The following NAA60 variants were observed in gnomAD, a reference collection of about 807,000 sequenced individuals.
NAA60 encodes N-alpha-acetyltransferase 60, NatF catalytic subunit.
NAA60 carries 8 observed loss-of-function variants against 26.1 expected under a neutral mutation model. The observed-to-expected ratio is 0.31, with a 90% confidence interval of 0.18 to 0.55. The LOEUF (loss-of-function observed/expected upper bound fraction) is 0.55, where lower values mean the gene tolerates loss of function less well. Ranked by LOEUF, NAA60 falls within the 20% of genes least tolerant of loss-of-function variation. The pLI, the probability that NAA60 is intolerant of heterozygous loss-of-function variation, is 0.93. For synonymous variants in NAA60, 131 were observed against 122.5 expected, an observed-to-expected ratio of 1.07 and a Z score of -0.46; for missense variants, 290 against 311.3, an observed-to-expected ratio of 0.93 and a Z score of 0.51.
chr16:3,484,281 A>T lies in NAA60; in HGVS notation c.573-418A>T, dbSNP rs1355859753. Reference sequence around the variant, plus strand: ...CCACACTCCACAGGCCGTCTAGCTTATGTGAAGACAGGCATCCAGGGGGTC... The same window carrying T: ...CCACACTCCACAGGCCGTCTAGCTTTTGTGAAGACAGGCATCCAGGGGGTC... On this transcript the variant is annotated intron_variant, in intron 6 of 7. Coordinates refer to ENST00000407558, the MANE Select transcript of NAA60 (RefSeq NM_001083601.3). Among the ~76,000 whole-genome samples the T allele has an allele frequency of 2.6e-5, 4 of 152,340 alleles. No homozygotes were observed. The East Asian group carries it at 7.7e-4, about 29-fold the overall frequency.
Position 3,485,034 on chromosome 16 carries a change from A to C in NAA60, c.*179A>C. The C allele has an allele frequency of 6.6e-7, 1 of 1,515,362 alleles. No individual in the cohort carries two copies. The highest frequency in any genetic ancestry group is 1.4e-5 in the African/African-American group (1 of 72,586). The allele number at this position is 1,515,362 out of a possible 1,614,324, so 93.9% of individuals were successfully genotyped here. ...GGCTCGGGAACAGAACATCGTGGGC[A>C]TGCGCAGAGCATGCCCATCCGTGGC... On this transcript the variant is annotated 3_prime_UTR_variant, in exon 7 of 8. Coordinates refer to ENST00000407558, the MANE Select transcript of NAA60 (RefSeq NM_001083601.3).
rs749224239 is a variant in NAA60, at chr16:3,483,378, A to G, written c.353A>G (p.Glu118Gly). Residue 118 changes from glutamate (E) to glycine (G), a missense_variant, in exon 6 of 8, where the codon GAA becomes GGA. Glu to Gly is a moderately conservative substitution (Grantham distance 98, BLOSUM62 -2). Coordinates refer to ENST00000407558, the MANE Select transcript of NAA60 (RefSeq NM_001083601.3). The stretch of plus-strand genomic sequence containing the variant: ...TCTCCCCAAGGTTCCCTCTTACTTG[A>G]AAGTTTAAAGGATCACATATCAACC... ...RKHGIGSLLLESLKDHISTTA... is the reference protein window; with the variant it reads ...RKHGIGSLLLGSLKDHISTTA... 2 of 1,611,314 alleles carry G rather than the reference A, an allele frequency of 1.2e-6. No individual in the cohort carries two copies. Among genetic ancestry groups the G allele is most frequent in the Admixed American group, 1.7e-5 (1 of 59,406 alleles).
chr16:3,465,559 G>A (rs1256097593), intron 2 of NAA60, among the ~76,000 whole-genome samples: 1 of 152,180 alleles, frequency 6.6e-6, no homozygotes, highest in African/African-American at 2.4e-5. Flanking sequence ...CTGCAGACGG[G>A]GGTTAGTACA....
intron 1 of NAA60, among the ~76,000 whole-genome samples, chr16:3,444,081 G>A (rs2034451049): frequency 6.6e-6 from 1 of 152,202 alleles, no homozygotes; most frequent in Non-Finnish European, 1.5e-5. Flanking sequence ...TGTACCCGCA[G>A]CTGCAGCCTA....
chr16:3,475,710 C>G (rs911455477), intron 2 of NAA60, among the ~76,000 whole-genome samples: 5 of 152,206 alleles, frequency 3.3e-5, no homozygotes, highest in Non-Finnish European at 5.9e-5. Context: ...CCACTCAGCA[C>G]AAACCCACGC....
chr16:3,471,162 C>G lies in NAA60; in HGVS notation c.-6-5060C>G, dbSNP rs146729553. 1.4e-3 allele frequency among the ~76,000 whole-genome samples: 215 copies of G among 152,270 alleles called. 1 individual carries two copies. Among genetic ancestry groups the G allele is most frequent in the African/African-American group, 5.0e-3 (207 of 41,542 alleles). On this transcript the variant is annotated intron_variant, in intron 2 of 7. Transcript: ENST00000407558. ...AGATGCGAGCTTATTACGAATCTGTCTTTGGTACCAAGCCACAATATAGAG... is the reference window on the plus strand; with the variant it reads ...AGATGCGAGCTTATTACGAATCTGTGTTTGGTACCAAGCCACAATATAGAG...
chr16:3,473,366 T>C (rs1314571481), intron 2 of NAA60, among the ~76,000 whole-genome samples: 1 of 152,108 alleles, frequency 6.6e-6, no homozygotes, highest in Non-Finnish European at 1.5e-5. Context: ...AGTCACGTCT[T>C]ACATGGTGGC....
At chr16:3,450,647 C>T (rs2034740638) in intron 2 of NAA60, among the ~76,000 whole-genome samples, 1 of 145,454 alleles carries the variant, frequency 6.9e-6, no homozygotes, top group African/African-American at 2.6e-5. Flanking sequence ...TTGCAGTGAG[C>T]CGAGATCGTG....
chr16:3,445,722 G>A (rs967316283), intron 1 of NAA60, among the ~76,000 whole-genome samples: 1 of 152,016 alleles, frequency 6.6e-6, no homozygotes, highest in African/African-American at 2.4e-5. Flanking sequence ...AATAAACACA[G>A]TTTCCAATGC....
At chr16:3,446,013 A>C (rs111994495) in intron 1 of NAA60, among the ~76,000 whole-genome samples, 3 of 152,322 alleles carry the variant, frequency 2.0e-5, no homozygotes, top group South Asian at 2.1e-4. Context: ...TATACCCACT[A>C]TATGTTCAAG....
intron 2 of NAA60, among the ~76,000 whole-genome samples, chr16:3,459,055 C>T (rs1255455338): frequency 6.6e-6 from 1 of 152,120 alleles, no homozygotes. Flanking sequence ...GTCCTTGAGG[C>T]GTACACTTTT....
intron 4 of NAA60, among the ~76,000 whole-genome samples, chr16:3,480,370 G>A (rs1185436210): frequency 6.6e-6 from 1 of 152,180 alleles, no homozygotes; most frequent in African/African-American, 2.4e-5. Context: ...GCCGAGGCGG[G>A]CAGATCATCT....
In NAA60 at chr16:3,448,502, G is replaced by C. The variant is rs2034644841; in HGVS notation, c.-45G>C. 6.5e-7 allele frequency: 1 copy of C among 1,535,544 alleles called. No homozygotes were observed. The highest frequency in any genetic ancestry group is 8.7e-7 in the Non-Finnish European group (1 of 1,146,892). On this transcript the variant is annotated 5_prime_UTR_variant, in exon 2 of 8. Coordinates refer to ENST00000407558, the MANE Select transcript of NAA60 (RefSeq NM_001083601.3). ...GAAAGGCTGTACCTGGAGGAAGGAA[G>C]TGCGGAGCCAGCCTGAGTTGGGAGA...
chr16:3,480,216 C>G (rs2151014100), intron 4 of NAA60, among the ~76,000 whole-genome samples: 1 of 152,274 alleles, frequency 6.6e-6, no homozygotes, highest in Admixed American at 6.5e-5. Context: ...GTAATGTTTA[C>G]CACCCGAGGA....
chr16:3,446,569 C>G (rs1206951499), intron 1 of NAA60, among the ~76,000 whole-genome samples: 22 of 147,494 alleles, frequency 1.5e-4, no homozygotes, highest in Non-Finnish European at 3.1e-4. Flanking sequence ...GAAAAAATGG[C>G]AACACATTCC....
chr16:3,451,622 A>G (rs187273781), intron 2 of NAA60, among the ~76,000 whole-genome samples: 7 of 152,322 alleles, frequency 4.6e-5, no homozygotes, highest in Admixed American at 1.3e-4. Context: ...GCAGAAAGGT[A>G]AAGAATAATA....
At chr16:3,461,548 G>T (rs754932718) in intron 2 of NAA60, among the ~76,000 whole-genome samples, 3 of 152,190 alleles carry the variant, frequency 2.0e-5, no homozygotes, top group Non-Finnish European at 4.4e-5. Context: ...GCTTAGAGAT[G>T]TTGCAATGTC....
chr16:3,455,562 T>C (rs548776807), intron 2 of NAA60, among the ~76,000 whole-genome samples: 1 of 151,562 alleles, frequency 6.6e-6, no homozygotes, highest in South Asian at 2.1e-4. Context: ...GCCCGGCTAA[T>C]TTTTCTGTAT....
intron 1 of NAA60, among the ~76,000 whole-genome samples, chr16:3,446,525 T>C (rs1214719805): frequency 7.0e-6 from 1 of 143,738 alleles, no homozygotes; most frequent in African/African-American, 2.6e-5. Context: ...AGTGAGACTC[T>C]GTCTGAAAAA....
Sources: allele counts gnomAD v4.1 joint callset (sites outside exome capture counted in the v4.1 genomes callset), GRCh38; gene constraint gnomAD v4.1.1; transcripts MANE v1.5; gene names NCBI Gene and HGNC (gene_info 2026-07-23, HGNC 2026-07-21).